Variants in UGT1A5 observed in about 807,000 individuals in gnomAD.
UGT1A5 encodes UDP glucuronosyltransferase family 1 member A5.
A neutral mutation model predicts 40.3 loss-of-function variants in UGT1A5; 29 were observed. The ratio of observed to expected loss-of-function variants is 0.72; its 90% CI spans 0.54 to 0.98. The LOEUF is 0.98. Ranked by LOEUF, UGT1A5 falls within the 50% of genes least tolerant of loss-of-function variation. The pLI is 0.00. For missense variants in UGT1A5, 678 were observed against 677.9 expected (o/e 1.00, Z 0.00); for synonymous variants, 257 against 262.5 (o/e 0.98, Z 0.20).
chr2:233,742,206 C>T (rs2125841703), intron 1 of UGT1A5, among the ~76,000 whole-genome samples: 1 of 152,086 alleles, frequency 6.6e-6, no homozygotes, highest in African/African-American at 2.4e-5. Context: ...AGGGGACTCA[C>T]AGCCTTCAGG....
chr2:233,721,740 G>C lies in UGT1A5; in HGVS notation c.867+7882G>C, dbSNP rs151279989. 5 of 432,164 alleles carry C rather than the reference G, an allele frequency of 1.2e-5. No individual in the cohort carries two copies. The East Asian group carries it at 1.9e-4, about 16-fold the overall frequency. The allele number at this position is 432,164 out of a possible 1,614,324, so 26.8% of individuals were successfully genotyped here. ...TGTTTACTTGGATAAGCTTAATGAT[G>C]AGAGAATCTACATCTAAATTGTTAT... On this transcript the variant is annotated intron_variant, in intron 1 of 4. Coordinates refer to ENST00000373414, the MANE Select transcript of UGT1A5 (RefSeq NM_019078.2).
rs1699786143 is a variant in UGT1A5 at position 233,769,071 on chromosome 2, C to T, written c.1307+632C>T. Among the ~76,000 whole-genome samples, 1 of 152,122 alleles carries T rather than the reference C, an allele frequency of 6.6e-6. No homozygotes were observed. The highest frequency in any genetic ancestry group is 2.1e-4 in the South Asian group (1 of 4,832). On this transcript the variant is annotated intron_variant, in intron 4 of 4. Transcript: ENST00000373414. The surrounding 1 kb of genome is among the most constrained non-coding windows in gnomAD (Gnocchi z 4.4). ...TAAGTTTCCTGCACAGAAAGAAATA[C>T]TCCATTATAAGAAGCATAGTATCTT...
intron 1 of UGT1A5, chr2:233,761,078 A>G: frequency 3.7e-6 from 6 of 1,614,128 alleles, no homozygotes; most frequent in Non-Finnish European, 5.1e-6. Flanking sequence ...GTGAAGGATT[A>G]CCCTAGGCCC....
At position 233,718,085 on chromosome 2, in the gene UGT1A5, C is replaced by A. The variant is rs557969051; in HGVS notation, c.867+4227C>A. The A allele has an allele frequency of 1.6e-4, 55 of 337,650 alleles. 1 individual carries two copies. The East Asian group carries it at 4.0e-3, about 25-fold the overall frequency. 20.9% of individuals were successfully genotyped at this position (337,650 alleles called of 1,614,324 possible). On this transcript the variant is annotated intron_variant, in intron 1 of 4. Transcript: ENST00000373414. ...TGGGTCCTTGCTAGGGTTGTCTTGC[C>A]CATGTGTGCTTTAGACAGCAGCACC...
At chr2:233,727,899 C>T (rs1376574896) in intron 1 of UGT1A5, among the ~76,000 whole-genome samples, 1 of 152,176 alleles carries the variant, frequency 6.6e-6, no homozygotes, top group Admixed American at 6.5e-5. Context: ...CACGGCCAGG[C>T]AAGAAGACAC....
At chr2:233,752,366 A>C (rs1575711623) in intron 1 of UGT1A5, 1 of 152,202 alleles carries the variant, frequency 6.6e-6, no homozygotes, top group Non-Finnish European at 1.5e-5. Context: ...TAGGGGTCTC[A>C]AGAGGGTCAT....
intron 4 of UGT1A5, among the ~76,000 whole-genome samples, chr2:233,768,849 G>A (rs1699741817): frequency 6.6e-6 from 1 of 152,046 alleles, no homozygotes; most frequent in African/African-American, 2.4e-5. Flanking sequence ...CTGCCAAAGT[G>A]CTGAGATTAC....
In UGT1A5 at chr2:233,760,964, T is replaced by C. The variant is rs1355767569; in HGVS notation, c.868-6070T>C. ...TCACAGAACTTTCTGTGCGACGTGGTTTATTCCCCGTATGCAACCCTTGCC... is the reference window on the plus strand; with the variant it reads ...TCACAGAACTTTCTGTGCGACGTGGCTTATTCCCCGTATGCAACCCTTGCC... On this transcript the variant is annotated intron_variant, in intron 1 of 4. Coordinates refer to ENST00000373414, the MANE Select transcript of UGT1A5 (RefSeq NM_019078.2). The C allele has an allele frequency of 6.2e-7, 1 of 1,614,182 alleles. No individual in the cohort carries two copies. Among genetic ancestry groups the C allele is most frequent in the East Asian group, 2.2e-5 (1 of 44,880 alleles).
At chr2:233,732,782 G>A (rs1439304470) in intron 1 of UGT1A5, among the ~76,000 whole-genome samples, 1 of 126,430 alleles carries the variant, frequency 7.9e-6, no homozygotes, top group East Asian at 2.4e-4. Context: ...GCTTAGGATT[G>A]TCTTGGCAAT....
At chr2:233,735,449 C>T (rs1176154761) in intron 1 of UGT1A5, among the ~76,000 whole-genome samples, 6 of 152,110 alleles carry the variant, frequency 3.9e-5, no homozygotes, top group Admixed American at 1.3e-4. Flanking sequence ...ACCGATGGGC[C>T]TTGACTCTTT....
intron 1 of UGT1A5, chr2:233,743,786 C>T: frequency 7.3e-7 from 1 of 1,367,346 alleles, no homozygotes; most frequent in Middle Eastern, 2.1e-4. Context: ...CTTGAATCTC[C>T]TCTCCGCTTC....
At chr2:233,767,550 T>C (rs2110298) in intron 2 of UGT1A5, among the ~76,000 whole-genome samples, 2,565 of 152,382 alleles carry the variant, frequency 0.017, 61 homozygotes, top group Admixed American at 0.057. Flanking sequence ...CTTATAGTTC[T>C]GCATCCACTT....
chr2:233,720,041 A>T (rs2076825366), intron 1 of UGT1A5, among the ~76,000 whole-genome samples: 1 of 152,182 alleles, frequency 6.6e-6, no homozygotes, highest in Non-Finnish European at 1.5e-5. Flanking sequence ...CCTGATTTTC[A>T]GCTGAACGGT....
In UGT1A5 at chr2:233,747,393, C is replaced by T. The variant is rs925567764; in HGVS notation, c.868-19641C>T. Reference sequence around the variant, plus strand: ...TGCCAGAGGCCACCAGGCGGTGGTCCTCACCCCAGAGGTGAATATGCACAT... The same window carrying T: ...TGCCAGAGGCCACCAGGCGGTGGTCTTCACCCCAGAGGTGAATATGCACAT... On this transcript the variant is annotated intron_variant, in intron 1 of 4. Transcript: ENST00000373414. 15 of 1,605,988 alleles carry T rather than the reference C, an allele frequency of 9.3e-6. No homozygotes were observed. The East Asian group carries it at 3.3e-4, about 36-fold the overall frequency.
chr2:233,718,871 G>A (rs1468501233), intron 1 of UGT1A5: 3 of 1,613,900 alleles, frequency 1.9e-6, no homozygotes, highest in Non-Finnish European at 2.5e-6. Context: ...CAGGACTGCT[G>A]CTCCTCCTCA....
At chr2:233,718,401 C>G (rs1023321432) in intron 1 of UGT1A5, among the ~76,000 whole-genome samples, 1 of 152,202 alleles carries the variant, frequency 6.6e-6, no homozygotes, top group Non-Finnish European at 1.5e-5. Flanking sequence ...TAGCAAATAG[C>G]GTCACATTCA....
At chr2:233,738,975 T>A (rs1575626869) in intron 1 of UGT1A5, 1 of 152,266 alleles carries the variant, frequency 6.6e-6, no homozygotes, top group South Asian at 2.1e-4. Flanking sequence ...CACTGCTGTG[T>A]GCAGCCTCAG....
In UGT1A5 at chr2:233,772,791, C is replaced by A; in HGVS notation, c.*232C>A. On this transcript the variant is annotated 3_prime_UTR_variant, in exon 5 of 5. Coordinates refer to ENST00000373414, the MANE Select transcript of UGT1A5 (RefSeq NM_019078.2). ...CCTCTGGTGTCTTTGATCAGGATGACATGTGCCATTTTTCAGAGGACGTGC... is the reference window on the plus strand; with the variant it reads ...CCTCTGGTGTCTTTGATCAGGATGAAATGTGCCATTTTTCAGAGGACGTGC... The A allele has an allele frequency of 8.2e-7, 1 of 1,224,562 alleles. No individual in the cohort carries two copies. Among genetic ancestry groups the A allele is most frequent in the Non-Finnish European group, 1.1e-6 (1 of 921,630 alleles). 75.9% of individuals were successfully genotyped at this position (1,224,562 alleles called of 1,614,324 possible).
intron 1 of UGT1A5, among the ~76,000 whole-genome samples, chr2:233,761,819 C>T (rs1222575733): frequency 6.6e-6 from 1 of 152,192 alleles, no homozygotes; most frequent in East Asian, 1.9e-4. Flanking sequence ...AGGAGAGGCT[C>T]CTTCAGATGG....
Sources: allele counts gnomAD v4.1 joint callset (sites outside exome capture counted in the v4.1 genomes callset), GRCh38; gene constraint gnomAD v4.1.1; non-coding constraint Gnocchi (gnomAD v3.1); transcripts MANE v1.5; gene names NCBI Gene and HGNC (gene_info 2026-07-23, HGNC 2026-07-21).